The following FOXN1 variants were observed in gnomAD, a reference collection of about 807,000 sequenced individuals.
FOXN1 encodes forkhead box protein N1.
A neutral mutation model predicts 49.0 loss-of-function variants in FOXN1; 15 were observed. The ratio of observed to expected loss-of-function variants is 0.31; its 90% CI spans 0.20 to 0.47. The LOEUF (loss-of-function observed/expected upper bound fraction) is 0.47, where lower values mean the gene tolerates loss of function less well. FOXN1 is among the 20% of genes least tolerant of loss of function. The pLI is 1.00. For synonymous variants in FOXN1, 356 were observed against 369.0 expected (o/e 0.96, Z 0.40); for missense variants, 800 against 842.8 (o/e 0.95, Z 0.63).
chr17:28,525,515 G>A (rs2069747461), intron 3 of FOXN1, among the ~76,000 whole-genome samples: 1 of 152,152 alleles, frequency 6.6e-6, no homozygotes, highest in Non-Finnish European at 1.5e-5. Flanking sequence ...CTCCATAAGC[G>A]GCGTGACCCT....
At chr17:28,528,015 C>G (rs2151490716) in intron 4 of FOXN1, among the ~76,000 whole-genome samples, 1 of 152,328 alleles carries the variant, frequency 6.6e-6, no homozygotes, top group East Asian at 1.9e-4. Context: ...CCAGGAGTCA[C>G]CAGGCAAGAC....
chr17:28,515,034 G>A (rs1008056799), intron 1 of FOXN1, among the ~76,000 whole-genome samples: 2 of 152,110 alleles, frequency 1.3e-5, no homozygotes, highest in Non-Finnish European at 2.9e-5. Context: ...GGGCAAGTCA[G>A]GTTAACTTCT....
At chr17:28,514,881 G>T (rs1024580997) in intron 1 of FOXN1, among the ~76,000 whole-genome samples, 2 of 152,094 alleles carry the variant, frequency 1.3e-5, no homozygotes, top group Admixed American at 1.3e-4. Flanking sequence ...AACCTCCAAC[G>T]TCGCCCCCAC....
At chr17:28,521,778 A>C (rs532369) in intron 1 of FOXN1, among the ~76,000 whole-genome samples, 132,249 of 152,236 alleles carry the variant, frequency 0.87, 57,701 homozygotes, top group African/African-American at 0.91. Context: ...GCCTCCCCTC[A>C]TTTTCCCTGT....
intron 1 of FOXN1, among the ~76,000 whole-genome samples, chr17:28,508,087 C>G (rs1173640408): frequency 3.9e-5 from 6 of 152,224 alleles, no homozygotes; most frequent in Non-Finnish European, 8.8e-5. Context: ...GCACGCTGCA[C>G]CCCCAGGCCC....
At chr17:28,523,825 T>A (rs1018868944) in intron 1 of FOXN1, 131 bp from the exon 2 acceptor site, 1 of 600,586 alleles carries the variant, frequency 1.7e-6, no homozygotes, top group Non-Finnish European at 3.1e-6. Context: ...TCTCTCTCTC[T>A]CTCTCTCATC....
In FOXN1 at chr17:28,516,482, G is replaced by T. The variant is rs954103193; in HGVS notation, c.-14-7474G>T. Among the ~76,000 whole-genome samples the T allele has an allele frequency of 2.1e-5, 3 of 140,222 alleles. No homozygotes were observed. The East Asian group carries it at 6.5e-4, about 30-fold the overall frequency. The allele number at this position is 140,222 out of a possible 152,430, so 92.0% of individuals were successfully genotyped here. A position where few individuals can be genotyped will look rare whatever the true frequency, so the allele number is the denominator to read the frequency against. On this transcript the variant is annotated intron_variant, in intron 1 of 8. Coordinates refer to ENST00000579795, the MANE Select transcript of FOXN1 (RefSeq NM_001369369.1). The stretch of plus-strand genomic sequence containing the variant: ...TCCACAGGGTACACACTTCCACAGA[G>T]TACACACCTCCACAGGATCCATACC...
intron 1 of FOXN1, among the ~76,000 whole-genome samples, chr17:28,519,703 C>T (rs1490428007): frequency 1.3e-4 from 20 of 152,112 alleles, no homozygotes; most frequent in Admixed American, 1.2e-3. Flanking sequence ...AGAGACCTCC[C>T]GAGAGATCCA....
chr17:28,510,007 G>A (rs1346548391), intron 1 of FOXN1, among the ~76,000 whole-genome samples: 2 of 152,152 alleles, frequency 1.3e-5, no homozygotes, highest in African/African-American at 4.8e-5. Context: ...GAACTTGACT[G>A]GAGAGCCAGC....
At chr17:28,514,893 C>T (rs568332759) in intron 1 of FOXN1, among the ~76,000 whole-genome samples, 3 of 152,112 alleles carry the variant, frequency 2.0e-5, no homozygotes, top group Non-Finnish European at 4.4e-5. Flanking sequence ...CGCCCCCACC[C>T]ACCTTTCAGG....
intron 1 of FOXN1, among the ~76,000 whole-genome samples, chr17:28,515,301 T>TCCACAGGGTACAC (rs1567872260): frequency 6.6e-6 from 1 of 151,540 alleles, no homozygotes; most frequent in Non-Finnish European, 1.5e-5. Context: ...ACAGGGTACA[T>TCCACAGGGTACAC]ACCTCCAAAG....
At chr17:28,514,227 A>G (rs1455207137) in intron 1 of FOXN1, among the ~76,000 whole-genome samples, 3 of 151,990 alleles carry the variant, frequency 2.0e-5, no homozygotes, top group African/African-American at 7.2e-5. Flanking sequence ...GGAATGACTC[A>G]GCTGCAGGTG....
In FOXN1 at chr17:28,527,368, C is replaced by T; in HGVS notation, c.699+7C>T. The T allele has an allele frequency of 6.4e-7, 1 of 1,568,650 alleles. No individual in the cohort carries two copies. The highest frequency in any genetic ancestry group is 8.8e-7 in the Non-Finnish European group (1 of 1,139,762). On this transcript the variant is annotated splice_region_variant and intron_variant, in intron 4 of 8. Transcript: ENST00000579795. ...CCAGCCCCCCTTCCACCAGGTGGGT[C>T]TGGGGCAAGTGGGCCTGCTTCCCCC...
intron 3 of FOXN1, among the ~76,000 whole-genome samples, chr17:28,525,922 G>A (rs2069756447): frequency 1.3e-5 from 2 of 152,236 alleles, no homozygotes; most frequent in Admixed American, 1.3e-4. Context: ...CTCAGCTACT[G>A]CCCCCAAACC....
rs756849720 is a variant in FOXN1, at chr17:28,534,425, G to T, written c.1022G>T (p.Arg341Leu). The change falls in exon 7 of 9, where the codon CGC (arginine) becomes CTC (leucine). Residue 341 changes from arginine (R) to leucine (L), a missense_variant. By Grantham distance (102) the Arg-to-Leu change is moderately radical (BLOSUM62 -2). Transcript: ENST00000579795. This position sits in a 1 kb window ranked among gnomAD's most constrained non-coding sequence, Gnocchi z 4.1. Reference sequence around the variant, plus strand: ...GAGAACAAATCAGGAAGTTCCTCCCGCAAGGGCTGCCTGTGGGCCCTCAAT... The same window carrying T: ...GAGAACAAATCAGGAAGTTCCTCCCTCAAGGGCTGCCTGTGGGCCCTCAAT... ...KVENKSGSSSRKGCLWALNPA... is the reference protein window; with the variant it reads ...KVENKSGSSSLKGCLWALNPA... 2.5e-6 allele frequency: 4 copies of T among 1,614,056 alleles called. No individual in the cohort carries two copies. Among genetic ancestry groups the T allele is most frequent in the South Asian group, 1.1e-5 (1 of 91,084 alleles).
Position 28,534,812 on chromosome 17 carries a change from C to A in FOXN1, c.1241C>A (p.Ala414Glu), listed in dbSNP as rs750761025. 4 of 1,613,840 alleles carry A rather than the reference C, an allele frequency of 2.5e-6. No individual in the cohort carries two copies. Among genetic ancestry groups the A allele is most frequent in the Non-Finnish European group, 3.4e-6 (4 of 1,179,816 alleles). The change falls in exon 8 of 9, where the codon GCA (alanine) becomes GAA (glutamate). Residue 414 changes from alanine (A) to glutamate (E), a missense_variant. Ala to Glu is a moderately radical substitution (Grantham distance 107). Coordinates refer to ENST00000579795, the MANE Select transcript of FOXN1 (RefSeq NM_001369369.1). This position sits in a 1 kb window ranked among gnomAD's most constrained non-coding sequence, Gnocchi z 4.1. ...LSGSGPIRPL[A>E]PPAGLSPPLH... ...GGCTCAGGCCCCATCCGGCCCCTGG[C>A]ACCCCCAGCTGGCCTCTCCCCACCA...
Position 28,534,153 on chromosome 17 carries a change from G to C in FOXN1, c.928-178G>C, listed in dbSNP as rs667026. ...TTGGGGTCAAGGTTCCTGTTCACCC[G>C]TCCCCTACCACCAAAGGGTACCAAG... is the stretch of plus-strand genomic sequence containing the variant. On this transcript the variant is annotated intron_variant, in intron 6 of 8. Coordinates refer to ENST00000579795, the MANE Select transcript of FOXN1 (RefSeq NM_001369369.1). The surrounding 1 kb of genome is among the most constrained non-coding windows in gnomAD (Gnocchi z 4.1). 0.3 allele frequency among the ~76,000 whole-genome samples: 45,839 copies of C among 152,050 alleles called. 7,646 individuals are homozygous for C. Among genetic ancestry groups the C allele is most frequent in the African/African-American group, 0.42 (17,613 of 41,462 alleles).
At chr17:28,512,752 G>C (rs926876327) in intron 1 of FOXN1, among the ~76,000 whole-genome samples, 1 of 152,216 alleles carries the variant, frequency 6.6e-6, no homozygotes, top group Non-Finnish European at 1.5e-5. Flanking sequence ...AAGATGTTGG[G>C]GTAGGCTCCC....
chr17:28,521,769 C>G (rs768568450), intron 1 of FOXN1, among the ~76,000 whole-genome samples: 5 of 152,204 alleles, frequency 3.3e-5, no homozygotes, highest in African/African-American at 1.2e-4. Flanking sequence ...GGGCAAATTG[C>G]CTCCCCTCAT....
Sources: allele counts gnomAD v4.1 joint callset (sites outside exome capture counted in the v4.1 genomes callset), GRCh38; gene constraint gnomAD v4.1.1; non-coding constraint Gnocchi (gnomAD v3.1); transcripts MANE v1.5; gene names NCBI Gene and HGNC (gene_info 2026-07-23, HGNC 2026-07-21).